The following FBXW11 variants were observed in gnomAD, a reference collection of about 807,000 sequenced individuals.
FBXW11 encodes F-box and WD repeat domain containing 11, also known as F-box/WD repeat-containing protein 11.
Under a neutral mutation model 77.6 loss-of-function variants are expected in FBXW11, and 19 were observed. The ratio of observed to expected loss-of-function variants is 0.24; its 90% CI spans 0.17 to 0.36. The LOEUF (loss-of-function observed/expected upper bound fraction) is 0.36. FBXW11 is among the 10% of genes least tolerant of loss of function. The pLI is 1.00. For missense variants in FBXW11, 334 were observed against 704.2 expected (o/e 0.47, Z 5.95); for synonymous variants, 235 against 249.4 (o/e 0.94, Z 0.54).
At chr5:171,885,773 T>C (rs1758837470) in intron 7 of FBXW11, among the ~76,000 whole-genome samples, 1 of 152,222 alleles carries the variant, frequency 6.6e-6, no homozygotes, top group Admixed American at 6.5e-5. Context: ...GTAGTGACTC[T>C]ACAGTTTACT....
At chr5:171,916,997 T>G (rs1314399127) in intron 2 of FBXW11, among the ~76,000 whole-genome samples, 2 of 152,168 alleles carry the variant, frequency 1.3e-5, no homozygotes, top group Non-Finnish European at 2.9e-5. Flanking sequence ...CTCAAATCAC[T>G]GCAACTTCCA....
chr5:171,877,053 T>C (rs995832329), intron 8 of FBXW11, among the ~76,000 whole-genome samples: 6 of 152,190 alleles, frequency 3.9e-5, no homozygotes, highest in African/African-American at 1.2e-4. Context: ...CTATTCTTAA[T>C]GAACCTAAGG....
At chr5:171,973,848 CTA>C (rs1228371885) in intron 1 of FBXW11, among the ~76,000 whole-genome samples, 1 of 151,990 alleles carries the variant, frequency 6.6e-6, no homozygotes, top group African/African-American at 2.4e-5. Context: ...TAAAAATAGA[CTA>C]TTAATTTAAA....
At chr5:171,943,124 A>G (rs1187903066) in intron 2 of FBXW11, among the ~76,000 whole-genome samples, 1 of 152,212 alleles carries the variant, frequency 6.6e-6, no homozygotes, top group Admixed American at 6.5e-5. Context: ...GGATGCCAAT[A>G]AGTGACTGTT....
intron 6 of FBXW11, among the ~76,000 whole-genome samples, 176 bp from the exon 7 acceptor site, chr5:171,891,780 T>C (rs1235584571): frequency 6.6e-6 from 1 of 151,864 alleles, no homozygotes; most frequent in African/African-American, 2.4e-5. Flanking sequence ...CCCAACAATG[T>C]TTTTTCTTAA....
At chr5:171,894,621 G>A (rs968298165) in intron 6 of FBXW11, among the ~76,000 whole-genome samples, 4 of 151,312 alleles carry the variant, frequency 2.6e-5, no homozygotes, top group East Asian at 1.9e-4. Flanking sequence ...CAACTACGCC[G>A]GCCTAAAAAA....
At chr5:171,957,760 T>A in intron 1 of FBXW11, 62 bp from the exon 2 acceptor site, 1 of 1,371,920 alleles carries the variant, frequency 7.3e-7, no homozygotes, top group South Asian at 1.2e-5. Context: ...AAATCACTCC[T>A]TCACACAGGC....
intron 1 of FBXW11, among the ~76,000 whole-genome samples, chr5:171,993,815 G>A (rs1765885513): frequency 6.6e-6 from 1 of 151,994 alleles, no homozygotes; most frequent in Admixed American, 6.6e-5. Context: ...TAGGATGATG[G>A]TAAATTATAA....
At position 171,869,260 on chromosome 5, in the gene FBXW11, AGAAGT is replaced by A. The variant is rs943140152; in HGVS notation, c.1530+464_1531-465del. ...AGTTCTGCATCTTCTAGTAAATGCA[AGAAGT>A]GAAGAAACAGAAATAAAACTACTAA... On this transcript the variant is annotated intron_variant, in intron 12 of 13. Transcript: ENST00000517395. The surrounding 1 kb of genome is among the most constrained non-coding windows in gnomAD (Gnocchi z 4.1). Among the ~76,000 whole-genome samples, 17 of 152,368 alleles carry A rather than the reference AGAAGT, an allele frequency of 1.1e-4. No homozygotes were observed. The highest frequency in any genetic ancestry group is 3.8e-4 in the African/African-American group (16 of 41,590).
intron 4 of FBXW11, 141 bp downstream of exon 4, chr5:171,910,431 G>A (rs527685319): frequency 3.1e-5 from 17 of 540,768 alleles, no homozygotes; most frequent in South Asian, 9.3e-5. Context: ...ATAATTCCTC[G>A]AGTTCCATAT....
At chr5:171,993,908 A>C (rs1765889840) in intron 1 of FBXW11, among the ~76,000 whole-genome samples, 2 of 152,212 alleles carry the variant, frequency 1.3e-5, no homozygotes, top group South Asian at 4.1e-4. Context: ...AACCTCTACC[A>C]TATTGAACAG....
intron 1 of FBXW11, among the ~76,000 whole-genome samples, chr5:171,974,140 T>C (rs558817083): frequency 3.3e-5 from 5 of 152,164 alleles, no homozygotes; most frequent in Admixed American, 6.5e-5. Flanking sequence ...TAAATATATA[T>C]TGTAAAAACA....
chr5:172,001,476 C>G (rs6866049), intron 1 of FBXW11, among the ~76,000 whole-genome samples: 5 of 152,122 alleles, frequency 3.3e-5, no homozygotes, highest in African/African-American at 7.2e-5. Flanking sequence ...AAGCCTACCA[C>G]AAAGAAGACA....
At chr5:171,899,841 G>A in intron 5 of FBXW11, 73 bp downstream of exon 5, 2 of 1,323,088 alleles carry the variant, frequency 1.5e-6, no homozygotes, top group Non-Finnish European at 2.1e-6. Context: ...AAGTATAATT[G>A]CATTTTTGAG....
At chr5:171,948,948 G>A (rs1763162141) in intron 2 of FBXW11, among the ~76,000 whole-genome samples, 1 of 152,162 alleles carries the variant, frequency 6.6e-6, no homozygotes, top group African/African-American at 2.4e-5. Flanking sequence ...ACTATATGCA[G>A]GCATTGTGTT....
At chr5:171,928,874 AC>A (rs1190149526) in intron 2 of FBXW11, among the ~76,000 whole-genome samples, 3 of 152,124 alleles carry the variant, frequency 2.0e-5, no homozygotes, top group African/African-American at 7.2e-5. Flanking sequence ...GGAGTTCAAG[AC>A]CAGCCTGGCC....
In FBXW11 at chr5:171,876,082, G is replaced by A. The variant is rs1758062240; in HGVS notation, c.1221+203C>T. 6.6e-6 allele frequency among the ~76,000 whole-genome samples: 1 copy of A among 152,176 alleles called. No homozygotes were observed. The highest frequency in any genetic ancestry group is 2.4e-5 in the African/African-American group (1 of 41,444). On this transcript the variant is annotated intron_variant, in intron 9 of 13. Coordinates refer to ENST00000517395, the MANE Select transcript of FBXW11 (RefSeq NM_001378974.1). This position sits in a 1 kb window ranked among gnomAD's most constrained non-coding sequence, Gnocchi z 4.2. ...ATTTCATGTCATGAAACAGAAGACT[G>A]TTCTCTCTTCTGGACCGATGGCTTT...
chr5:171,919,068 G>C (rs1355778075), intron 2 of FBXW11, among the ~76,000 whole-genome samples: 1 of 152,106 alleles, frequency 6.6e-6, no homozygotes, highest in Non-Finnish European at 1.5e-5. Context: ...ACCTCGCCAT[G>C]GTAGGGTAAT....
At chr5:171,922,005 C>G (rs1761626659) in intron 2 of FBXW11, among the ~76,000 whole-genome samples, 1 of 142,602 alleles carries the variant, frequency 7.0e-6, no homozygotes, top group Non-Finnish European at 1.5e-5. Flanking sequence ...TCCCAAGTCA[C>G]TGGGATTACA....
Sources: allele counts gnomAD v4.1 joint callset (sites outside exome capture counted in the v4.1 genomes callset), GRCh38; gene constraint gnomAD v4.1.1; non-coding constraint Gnocchi (gnomAD v3.1); transcripts MANE v1.5; gene names NCBI Gene and HGNC (gene_info 2026-07-23, HGNC 2026-07-21).